RGS20: variants seen among roughly 807,000 people sequenced by gnomAD.
RGS20 encodes the protein gz-selective GTPase-activating protein.
RGS20 carries 30 observed loss-of-function variants against 33.6 expected under a neutral mutation model. The ratio of observed to expected loss-of-function variants is 0.89; its 90% confidence interval spans 0.67 to 1.21. The LOEUF (loss-of-function observed/expected upper bound fraction) is 1.21. Ranked by LOEUF, RGS20 falls within the 50% of genes most tolerant of loss-of-function variation. The pLI is 0.00. For missense variants in RGS20, 472 were observed against 502.4 expected, an observed-to-expected ratio of 0.94 and a Z score of 0.58; for synonymous variants, 208 against 197.9, an observed-to-expected ratio of 1.05 and a Z score of -0.43.
intron 2 of RGS20, among the ~76,000 whole-genome samples, chr8:53,889,545 A>G (rs1052277068): frequency 6.8e-6 from 1 of 146,338 alleles, no homozygotes; most frequent in African/African-American, 2.5e-5. Flanking sequence ...ACACTCAACT[A>G]ATTTTTTTAT....
chr8:53,944,259 G>A (rs1025657793), intron 3 of RGS20, among the ~76,000 whole-genome samples: 3 of 152,090 alleles, frequency 2.0e-5, no homozygotes, highest in Admixed American at 6.5e-5. Context: ...AATGTATTTG[G>A]CCAGGCGCGA....
At chr8:53,902,885 T>A (rs905158258) in intron 2 of RGS20, among the ~76,000 whole-genome samples, 7 of 152,040 alleles carry the variant, frequency 4.6e-5, no homozygotes, top group Admixed American at 1.3e-4. Flanking sequence ...GCCACCATGC[T>A]CGGTTAATTT....
chr8:53,882,433 C>T (rs909816061), intron 2 of RGS20, among the ~76,000 whole-genome samples: 2 of 152,106 alleles, frequency 1.3e-5, no homozygotes, highest in Admixed American at 1.3e-4. Context: ...CGAGAGCTCG[C>T]GGACAGGCGA....
intron 2 of RGS20, among the ~76,000 whole-genome samples, chr8:53,934,967 C>T (rs866639344): frequency 6.6e-5 from 10 of 152,082 alleles, no homozygotes; most frequent in African/African-American, 2.2e-4. Context: ...CACTCAAAAC[C>T]GCACAACTGC....
chr8:53,880,888 G>C, intron 2 of RGS20: 1 of 1,485,112 alleles, frequency 6.7e-7, no homozygotes, highest in Non-Finnish European at 8.9e-7. Context: ...AGGGGAGGAA[G>C]AGGCCGGGAG....
At chr8:53,909,207 GTGTATATATATATATATATATA>G (rs1178135987) in intron 2 of RGS20, among the ~76,000 whole-genome samples, 18 of 83,154 alleles carry the variant, frequency 2.2e-4, no homozygotes, top group South Asian at 4.1e-4. Flanking sequence ...TATGGTATGT[GTGTATATATATATATATATATA>G]TATATATATA....
intron 5 of RGS20, among the ~76,000 whole-genome samples, chr8:53,954,603 G>T (rs1053760671): frequency 4.0e-5 from 6 of 151,794 alleles, no homozygotes; most frequent in African/African-American, 1.5e-4. Flanking sequence ...GGCAGAGGAT[G>T]CAGTGAGCCG....
At chr8:53,867,659 CT>C in intron 1 of RGS20, among the ~76,000 whole-genome samples, 1 of 31,868 alleles carries the variant, frequency 3.1e-5, no homozygotes, top group Non-Finnish European at 5.9e-5. Flanking sequence ...CGGAAGTAGT[CT>C]TCCTTCCTTC....
At chr8:53,894,783 A>G (rs1812808929) in intron 2 of RGS20, among the ~76,000 whole-genome samples, 1 of 152,214 alleles carries the variant, frequency 6.6e-6, no homozygotes, top group South Asian at 2.1e-4. Context: ...AAATCTCCAC[A>G]AAATCATTTC....
intron 2 of RGS20, chr8:53,881,056 C>T (rs768059084): frequency 6.4e-7 from 1 of 1,551,706 alleles, no homozygotes; most frequent in Admixed American, 2.2e-5. Flanking sequence ...GGGGCTTCCT[C>T]CCCGGCCGGC....
At chr8:53,919,434 C>T (rs1813584182) in intron 2 of RGS20, among the ~76,000 whole-genome samples, 1 of 151,852 alleles carries the variant, frequency 6.6e-6, no homozygotes, top group Non-Finnish European at 1.5e-5. Flanking sequence ...CTCCGCCTCC[C>T]AGGTTCAAGA....
intron 2 of RGS20, among the ~76,000 whole-genome samples, chr8:53,903,639 G>C (rs982314147): frequency 1.3e-5 from 2 of 152,262 alleles, no homozygotes; most frequent in Admixed American, 1.3e-4. Context: ...CAGCATCAGG[G>C]AACTTGTTCT....
intron 1 of RGS20, among the ~76,000 whole-genome samples, chr8:53,860,764 G>A (rs1461718895): frequency 2.0e-5 from 3 of 152,142 alleles, no homozygotes; most frequent in Non-Finnish European, 4.4e-5. Flanking sequence ...TCAGGAGTTC[G>A]AGCCCAGCCT....
At position 53,851,855 on chromosome 8, in the gene RGS20, G is replaced by GA; in HGVS notation, c.-41dup. 6.3e-7 allele frequency: 1 copy of GA among 1,596,272 alleles called. No homozygotes were observed. Among genetic ancestry groups the GA allele is most frequent in the Non-Finnish European group, 8.5e-7 (1 of 1,170,098 alleles). On this transcript the variant is annotated 5_prime_UTR_variant, in exon 1 of 6. Transcript: ENST00000297313. ...AGAGTGGATCCTGTGCTAATATTGGGAAAACCAGGCAACAGGACTCATTTG... is the reference window on the plus strand; with the variant it reads ...AGAGTGGATCCTGTGCTAATATTGGGAAAAACCAGGCAACAGGACTCATTTG...
chr8:53,879,569 A>C lies in RGS20; in HGVS notation c.477A>C (p.Glu159Asp). 1 of 1,537,772 alleles carries C rather than the reference A, an allele frequency of 6.5e-7. No homozygotes were observed. The highest frequency in any genetic ancestry group is 8.8e-7 in the Non-Finnish European group (1 of 1,142,722). Residue 159 changes from glutamate to aspartate, a missense_variant, in exon 2 of 6, where the codon GAA (glutamate) becomes GAC (aspartate). Glu to Asp is a conservative substitution (Grantham distance 45). Transcript: ENST00000297313. Reference sequence around the variant, plus strand: ...ATCCGGTAGCCAAGCCCAGGGAAGAAGACGCCACCGCTGGGCAGAGCTCGC... The same window carrying C: ...ATCCGGTAGCCAAGCCCAGGGAAGACGACGCCACCGCTGGGCAGAGCTCGC...
rs778610627 is a variant in RGS20 at position 53,958,418 on chromosome 8, AC to A, written c.1128del (p.Leu377CysfsTer24). ...TTCATGAACTCTGCTGTCTATAAGG[AC>A]TTGCTTCAGTCCTTATCGGAGAAAT... On this transcript the variant is annotated frameshift_variant, in exon 6 of 6. Transcript: ENST00000297313. LOFTEE classifies it high-confidence loss of function. 6.2e-6 allele frequency: 10 copies of A among 1,607,142 alleles called. No individual in the cohort carries two copies. The highest frequency in any genetic ancestry group is 8.5e-6 in the Non-Finnish European group (10 of 1,176,268).
At chr8:53,955,358 A>T (rs1311211149) in intron 5 of RGS20, among the ~76,000 whole-genome samples, 1 of 152,096 alleles carries the variant, frequency 6.6e-6, no homozygotes, top group African/African-American at 2.4e-5. Context: ...TTATCTTGTT[A>T]TTCTGAGAAA....
intron 2 of RGS20, among the ~76,000 whole-genome samples, chr8:53,913,112 C>T (rs1163094545): frequency 1.3e-5 from 2 of 151,838 alleles, no homozygotes; most frequent in Admixed American, 6.6e-5. Flanking sequence ...ATTACAGGCA[C>T]CTGCCACCAC....
intron 1 of RGS20, among the ~76,000 whole-genome samples, chr8:53,867,128 G>A (rs138899219): frequency 1.2e-4 from 19 of 152,192 alleles, no homozygotes; most frequent in East Asian, 1.2e-3. Context: ...TTCCTCCATC[G>A]CTCTGTGCTT....
Sources: allele counts gnomAD v4.1 joint callset (sites outside exome capture counted in the v4.1 genomes callset), GRCh38; gene constraint gnomAD v4.1.1; transcripts MANE v1.5; gene names NCBI Gene and HGNC (gene_info 2026-07-23, HGNC 2026-07-21).